Variants in EYS observed in about 807,000 individuals in gnomAD.
EYS encodes the protein EGF-like photoreceptor maintenance factor.
EYS carries 250 observed loss-of-function variants against 282.1 expected under a neutral mutation model. The ratio of observed to expected loss-of-function variants is 0.89; its 90% confidence interval spans 0.80 to 0.98. The LOEUF (loss-of-function observed/expected upper bound fraction) is 0.98, where lower values mean the gene tolerates loss of function less well. Among genes scored for constraint, EYS ranks in the 50% least tolerant of loss-of-function variants. The probability of loss-of-function intolerance (pLI) is 0.00; values close to 1 mark genes in which losing one functional copy is unlikely to be tolerated. For missense variants in EYS, 4,016 were observed against 3,709.0 expected (o/e 1.08, Z -2.15); for synonymous variants, 1,355 against 1,282.9 (o/e 1.06, Z -1.20).
chr6:64,925,025 T>C (rs887102081), intron 15 of EYS, among the ~76,000 whole-genome samples: 4 of 152,162 alleles, frequency 2.6e-5, no homozygotes, highest in African/African-American at 9.7e-5. Flanking sequence ...CCATTTACTG[T>C]ATTAGTTCAT....
intron 13 of EYS, among the ~76,000 whole-genome samples, chr6:65,000,266 C>T (rs1483678671): frequency 6.6e-6 from 1 of 152,150 alleles, no homozygotes; most frequent in Non-Finnish European, 1.5e-5. Flanking sequence ...AGGACCTTTC[C>T]CATTTCAACT....
intron 13 of EYS, among the ~76,000 whole-genome samples, chr6:65,035,070 A>G (rs1772725734): frequency 6.6e-6 from 1 of 152,186 alleles, no homozygotes; most frequent in Admixed American, 6.6e-5. Flanking sequence ...ATGCCAATCA[A>G]TACATGGAAT....
intron 26 of EYS, among the ~76,000 whole-genome samples, chr6:64,587,575 C>T (rs1330629643): frequency 2.6e-5 from 4 of 151,972 alleles, no homozygotes; most frequent in Non-Finnish European, 5.9e-5. Context: ...TATTAAGCAG[C>T]TATTTTAATG....
At chr6:65,350,465 C>T (rs900841531) in intron 9 of EYS, among the ~76,000 whole-genome samples, 2 of 151,214 alleles carry the variant, frequency 1.3e-5, no homozygotes, top group African/African-American at 4.9e-5. Context: ...GCAACAATCA[C>T]TATTTATTTA....
intron 22 of EYS, among the ~76,000 whole-genome samples, chr6:64,780,519 G>A (rs1284716873): frequency 1.3e-5 from 2 of 152,138 alleles, no homozygotes. Flanking sequence ...ACTCCAGAAG[G>A]GGAGAGGGAA....
chr6:63,774,845 A>G (rs1163389213), intron 40 of EYS, among the ~76,000 whole-genome samples: 3 of 151,764 alleles, frequency 2.0e-5, no homozygotes. Flanking sequence ...TCTTCTCACT[A>G]AACATTTTTA....
At chr6:65,576,163 C>G (rs354346) in intron 2 of EYS, among the ~76,000 whole-genome samples, 97,212 of 151,742 alleles carry the variant, frequency 0.64, 32,469 homozygotes, top group African/African-American at 0.84. Flanking sequence ...AATGAACATA[C>G]GTGCAAATTC....
At chr6:64,792,190 G>C (rs1774212120) in intron 22 of EYS, among the ~76,000 whole-genome samples, 1 of 151,742 alleles carries the variant, frequency 6.6e-6, no homozygotes, top group Non-Finnish European at 1.5e-5. Flanking sequence ...TCCACTTTTA[G>C]ATATACATAT....
intron 26 of EYS, among the ~76,000 whole-genome samples, chr6:64,462,359 T>C (rs1444073666): frequency 6.6e-6 from 1 of 152,220 alleles, no homozygotes; most frequent in Non-Finnish European, 1.5e-5. Context: ...CTTCTTGTCA[T>C]CTGGATGTCC....
At position 65,384,439 on chromosome 6, in the gene EYS, T is replaced by C. The variant is rs1291839548; in HGVS notation, c.1246A>G (p.Ser416Gly). 2 of 1,609,990 alleles carry C rather than the reference T, an allele frequency of 1.2e-6. No homozygotes were observed. The highest frequency in any genetic ancestry group is 1.3e-5 in the African/African-American group (1 of 74,914). Residue 416 changes from serine to glycine, a missense_variant, in exon 8 of 43, where the codon AGC becomes GGC. Transcript: ENST00000503581. ...CATTCTTCATTCAGACAGTTGATGC[T>C]GAGCAGTTTACAGTGGTCAATTGCT... ...EKAIDHCKLLSINCLNEEWCF... is the reference protein window; with the variant it reads ...EKAIDHCKLLGINCLNEEWCF...
chr6:64,272,609 C>T (rs189569276), intron 30 of EYS, among the ~76,000 whole-genome samples: 34 of 152,256 alleles, frequency 2.2e-4, no homozygotes, highest in Admixed American at 1.4e-3. Flanking sequence ...CCCCCACTCT[C>T]TTCTGACTTG....
chr6:65,035,861 T>A (rs949217245), intron 13 of EYS, among the ~76,000 whole-genome samples: 15 of 148,034 alleles, frequency 1.0e-4, no homozygotes, highest in Non-Finnish European at 2.1e-4. Context: ...CTACTAATAA[T>A]TTGTATTATT....
At chr6:64,184,413 C>T (rs796376815) in intron 31 of EYS, among the ~76,000 whole-genome samples, 17 of 152,214 alleles carry the variant, frequency 1.1e-4, no homozygotes, top group African/African-American at 4.1e-4. Flanking sequence ...AGTAGGTATA[C>T]CATCCATTGA....
chr6:65,526,117 T>C (rs1371425041), intron 2 of EYS, among the ~76,000 whole-genome samples: 3 of 152,150 alleles, frequency 2.0e-5, no homozygotes, highest in African/African-American at 7.2e-5. Context: ...GAGAGAGCAA[T>C]AGCATGTCAG....
At chr6:65,122,122 T>A (rs769230371) in intron 12 of EYS, among the ~76,000 whole-genome samples, 2 of 152,134 alleles carry the variant, frequency 1.3e-5, no homozygotes, top group African/African-American at 4.8e-5. Context: ...TATTGAATCT[T>A]GAATTGGGAC....
chr6:65,198,472 A>G (rs1462953647), intron 12 of EYS, among the ~76,000 whole-genome samples: 1 of 152,138 alleles, frequency 6.6e-6, no homozygotes, highest in Non-Finnish European at 1.5e-5. Context: ...ATGTGTTACA[A>G]TTTTGTAAGA....
At chr6:65,053,154 C>T (rs377669054) in intron 13 of EYS, among the ~76,000 whole-genome samples, 12 of 151,600 alleles carry the variant, frequency 7.9e-5, no homozygotes, top group Non-Finnish European at 1.3e-4. Flanking sequence ...ATTCCCTTTT[C>T]GGACAAATAC....
chr6:64,746,690 A>T (rs1300617184), intron 22 of EYS, among the ~76,000 whole-genome samples: 1 of 152,176 alleles, frequency 6.6e-6, no homozygotes, highest in African/African-American at 2.4e-5. Context: ...GCTCCACCAC[A>T]AGGTCTATTT....
intron 28 of EYS, among the ~76,000 whole-genome samples, chr6:64,425,559 C>A (rs1458506334): frequency 6.7e-6 from 1 of 148,964 alleles, no homozygotes; most frequent in Non-Finnish European, 1.5e-5. Flanking sequence ...GAGGCTCAGG[C>A]AGGAGAATCG....
Sources: allele counts gnomAD v4.1 joint callset (sites outside exome capture counted in the v4.1 genomes callset), GRCh38; gene constraint gnomAD v4.1.1; transcripts MANE v1.5; gene names NCBI Gene and HGNC (gene_info 2026-07-23, HGNC 2026-07-21).